The following TRABD2B variants were observed in gnomAD, a reference collection of about 807,000 sequenced individuals.
The protein encoded by TRABD2B is metalloprotease TIKI2.
Under a neutral mutation model 40.1 loss-of-function variants are expected in TRABD2B, and 14 were observed. The ratio of observed to expected loss-of-function variants is 0.35; its 90% CI spans 0.23 to 0.55. TRABD2B has a LOEUF of 0.55. Among genes scored for constraint, TRABD2B ranks in the 20% least tolerant of loss-of-function variants. The pLI is 0.90. For synonymous variants in TRABD2B, 263 were observed against 277.0 expected (o/e 0.95, Z 0.50); for missense variants, 541 against 648.6 (o/e 0.83, Z 1.80).
intron 2 of TRABD2B, among the ~76,000 whole-genome samples, chr1:47,972,492 GCAC>G (rs1645695205): frequency 6.6e-6 from 1 of 152,160 alleles, no homozygotes; most frequent in South Asian, 2.1e-4. Flanking sequence ...AATGGGATTA[GCAC>G]CCTTATAAAA....
intron 2 of TRABD2B, among the ~76,000 whole-genome samples, chr1:47,950,424 C>T (rs1645325946): frequency 6.6e-6 from 1 of 152,276 alleles, no homozygotes; most frequent in Non-Finnish European, 1.5e-5. Flanking sequence ...GAAGAGAGCT[C>T]TGTGCAGATG....
intron 2 of TRABD2B, among the ~76,000 whole-genome samples, chr1:47,965,059 T>C (rs1645578539): frequency 2.0e-5 from 3 of 151,696 alleles, no homozygotes; most frequent in Admixed American, 2.0e-4. Context: ...CTTTAAGCAT[T>C]GCACATGATT....
intron 2 of TRABD2B, among the ~76,000 whole-genome samples, chr1:47,969,803 G>A (rs1645654885): frequency 6.6e-6 from 1 of 152,204 alleles, no homozygotes; most frequent in Non-Finnish European, 1.5e-5. Context: ...GAGGACAAGT[G>A]ATGCTGTCCT....
chr1:47,994,603 G>A lies in TRABD2B; in HGVS notation c.103-6C>T, dbSNP rs1646063250. On this transcript the variant is annotated splice_polypyrimidine_tract_variant and splice_region_variant and intron_variant, in intron 1 of 6. Coordinates refer to ENST00000606738, the MANE Select transcript of TRABD2B (RefSeq NM_001194986.2). The surrounding 1 kb of genome is among the most constrained non-coding windows in gnomAD (Gnocchi z 6.7). ...AAGGAGTTCAAGTCCCTCTGCTGCAGGAGTAGAGAAGAGGCAAGGCAGTGA... is the reference window on the plus strand; with the variant it reads ...AAGGAGTTCAAGTCCCTCTGCTGCAAGAGTAGAGAAGAGGCAAGGCAGTGA... The A allele has an allele frequency of 3.3e-6, 5 of 1,532,282 alleles. No homozygotes were observed. In the South Asian group the frequency reaches 3.6e-5, roughly 11 times the overall value. The allele number at this position is 1,532,282 out of a possible 1,614,324, so 94.9% of individuals were successfully genotyped here.
At chr1:47,929,595 C>T (rs528041488) in intron 2 of TRABD2B, among the ~76,000 whole-genome samples, 1 of 152,338 alleles carries the variant, frequency 6.6e-6, no homozygotes, top group East Asian at 1.9e-4. Context: ...GTCCTAGCAC[C>T]TACCAATCTC....
At chr1:47,930,100 G>A (rs1458980514) in intron 2 of TRABD2B, among the ~76,000 whole-genome samples, 1 of 152,198 alleles carries the variant, frequency 6.6e-6, no homozygotes, top group African/African-American at 2.4e-5. Flanking sequence ...CAGTTCTGGA[G>A]TGGAGGCTGT....
chr1:47,855,947 T>TA, intron 2 of TRABD2B, among the ~76,000 whole-genome samples: 1 of 152,234 alleles, frequency 6.6e-6, no homozygotes, highest in Non-Finnish European at 1.5e-5. Flanking sequence ...GATATTATGT[T>TA]ATAGCAGCCT....
In TRABD2B at chr1:47,764,004, T is replaced by A. The variant is rs1430342205; in HGVS notation, c.*1898A>T. 6.6e-6 allele frequency: 1 copy of A among 152,238 alleles called. No homozygotes were observed. The highest frequency in any genetic ancestry group is 2.4e-5 in the African/African-American group (1 of 41,454). 9.4% of individuals were successfully genotyped at this position (152,238 alleles called of 1,614,324 possible). ...CAGAGCTCCAGTCTCCTGCCAGGTCTCAAGCTCAAACACGTCCATCAGGGC... is the reference window on the plus strand; with the variant it reads ...CAGAGCTCCAGTCTCCTGCCAGGTCACAAGCTCAAACACGTCCATCAGGGC... On this transcript the variant is annotated 3_prime_UTR_variant, in exon 7 of 7. Coordinates refer to ENST00000606738, the MANE Select transcript of TRABD2B (RefSeq NM_001194986.2).
intron 2 of TRABD2B, among the ~76,000 whole-genome samples, chr1:47,809,462 T>C (rs950474027): frequency 1.3e-5 from 2 of 152,128 alleles, no homozygotes; most frequent in African/African-American, 2.4e-5. Context: ...GTACCTCCCA[T>C]GGTGCAGAGC....
chr1:47,873,087 G>T (rs572336248), intron 2 of TRABD2B, among the ~76,000 whole-genome samples: 1 of 152,132 alleles, frequency 6.6e-6, no homozygotes, highest in African/African-American at 2.4e-5. Context: ...CTAGCTCTAG[G>T]GGGTAGCTTT....
At chr1:47,801,439 G>A in intron 3 of TRABD2B, 34 bp downstream of exon 3, 2 of 1,528,916 alleles carry the variant, frequency 1.3e-6, no homozygotes, top group Middle Eastern at 1.7e-4. Context: ...TCTAATAAAT[G>A]CCAGGTATCC....
chr1:47,827,975 G>A (rs1475274873), intron 2 of TRABD2B, among the ~76,000 whole-genome samples: 1 of 152,210 alleles, frequency 6.6e-6, no homozygotes, highest in Non-Finnish European at 1.5e-5. Flanking sequence ...AGGGGTGGGA[G>A]TCCAGCAAGG....
In TRABD2B at chr1:47,762,755, A is replaced by C. The variant is rs1447830124; in HGVS notation, c.*3147T>G. 1 of 151,876 alleles carries C rather than the reference A, an allele frequency of 6.6e-6. No individual in the cohort carries two copies. The highest frequency in any genetic ancestry group is 2.4e-5 in the African/African-American group (1 of 41,324). 9.4% of individuals were successfully genotyped at this position (151,876 alleles called of 1,614,324 possible). On this transcript the variant is annotated 3_prime_UTR_variant, in exon 7 of 7. Transcript: ENST00000606738. ...CTGGCAGCCTGATTCTTCTCCCTCC[A>C]CTGTGGATGACAGGGCTCTCCCTGT...
chr1:47,898,416 A>G (rs558300358), intron 2 of TRABD2B, among the ~76,000 whole-genome samples: 1 of 152,308 alleles, frequency 6.6e-6, no homozygotes, highest in Admixed American at 6.5e-5. Context: ...AGGATGGCAG[A>G]AGTTTGCCTG....
chr1:47,983,046 C>A (rs1283843714), intron 2 of TRABD2B, among the ~76,000 whole-genome samples: 1 of 152,176 alleles, frequency 6.6e-6, no homozygotes, highest in Non-Finnish European at 1.5e-5. Flanking sequence ...ATGTTCACTG[C>A]AGCACTATTC....
chr1:47,775,413 G>A lies in TRABD2B; in HGVS notation c.1106C>T (p.Ser369Phe). ...CGGGCTCGTCGAGGTCCCCTCAGGA[G>A]AGGGCGCTGGGCTCTGGGGGGCAGG... ...HSPAPQSPAP[S>F]PEGTSTSPAP... The change falls in exon 6 of 7, where the codon TCT (serine) becomes TTT (phenylalanine). Residue 369 changes from serine to phenylalanine, a missense_variant. Coordinates refer to ENST00000606738, the MANE Select transcript of TRABD2B (RefSeq NM_001194986.2). 2.4e-6 allele frequency: 3 copies of A among 1,236,036 alleles called. No individual in the cohort carries two copies. The highest frequency in any genetic ancestry group is 3.2e-5 in the East Asian group (1 of 31,730). 76.6% of individuals were successfully genotyped at this position (1,236,036 alleles called of 1,614,324 possible).
intron 2 of TRABD2B, among the ~76,000 whole-genome samples, chr1:47,870,292 G>A (rs889511231): frequency 6.6e-6 from 1 of 152,066 alleles, no homozygotes; most frequent in African/African-American, 2.4e-5. Context: ...CTCTGATGAC[G>A]ATAAACAACA....
chr1:47,767,341 A>G (rs938270810), intron 6 of TRABD2B, among the ~76,000 whole-genome samples: 4 of 152,228 alleles, frequency 2.6e-5, no homozygotes, highest in Non-Finnish European at 5.9e-5. Context: ...AGGGAAGGCC[A>G]TGAGGGCCTC....
intron 2 of TRABD2B, among the ~76,000 whole-genome samples, chr1:47,893,645 G>C (rs912460773): frequency 6.6e-6 from 1 of 152,236 alleles, no homozygotes; most frequent in Non-Finnish European, 1.5e-5. Flanking sequence ...CCTTGTGTTT[G>C]ATTTGACAAT....
Sources: gnomAD v4.1 joint callset for allele counts (sites outside exome capture counted in the v4.1 genomes callset) on GRCh38, gnomAD v4.1.1 for gene constraint, Gnocchi (gnomAD v3.1) non-coding constraint, MANE v1.5 for transcripts, NCBI Gene and HGNC (gene_info 2026-07-23, HGNC 2026-07-21) for gene names.